Variants in MEIS2 observed in about 807,000 individuals in gnomAD.
MEIS2 encodes the protein Meis homeobox 2.
Under a neutral mutation model 58.6 loss-of-function variants are expected in MEIS2, and 9 were observed. The observed-to-expected ratio is 0.15, with a 90% CI of 0.09 to 0.27. The LOEUF is 0.27. Ranked by LOEUF, MEIS2 falls within the 10% of genes least tolerant of loss-of-function variation. The pLI, the probability that MEIS2 is intolerant of heterozygous loss-of-function variation, is 1.00. For missense variants in MEIS2, 427 were observed against 635.0 expected, an observed-to-expected ratio of 0.67 and a Z score of 3.52; for synonymous variants, 221 against 228.4, an observed-to-expected ratio of 0.97 and a Z score of 0.29.
chr15:36,995,883 T>C (rs926394626), intron 8 of MEIS2, among the ~76,000 whole-genome samples: 4 of 146,408 alleles, frequency 2.7e-5, no homozygotes, highest in African/African-American at 1.0e-4. Context: ...CTTTGTATTA[T>C]TATTTTTCAT....
chr15:37,045,888 CT>C (rs1167667620), intron 7 of MEIS2, among the ~76,000 whole-genome samples: 2 of 152,194 alleles, frequency 1.3e-5, no homozygotes, highest in Non-Finnish European at 2.9e-5. Context: ...CCCAGGCCAC[CT>C]TTTTCACACT....
chr15:37,029,583 G>A lies in MEIS2; in HGVS notation c.900+7231C>T, dbSNP rs144324065. ...AAATTGGGGGTGCAGGATGAAAGAG[G>A]TGGGTAGCACTACATCTCTAACCCT... On this transcript the variant is annotated intron_variant, in intron 8 of 11. Coordinates refer to ENST00000561208, the MANE Select transcript of MEIS2 (RefSeq NM_170675.5). Among the ~76,000 whole-genome samples the A allele has an allele frequency of 2.1e-3, 324 of 152,254 alleles. 1 individual carries two copies. The highest frequency in any genetic ancestry group is 7.3e-3 in the African/African-American group (305 of 41,560).
intron 9 of MEIS2, among the ~76,000 whole-genome samples, chr15:36,919,217 A>C (rs901613259): frequency 6.6e-6 from 1 of 152,174 alleles, no homozygotes; most frequent in African/African-American, 2.4e-5. Context: ...TATCCAAATA[A>C]TGGGCATATT....
chr15:36,893,755 A>AAAGGAAGG (rs1290398928), intron 11 of MEIS2, among the ~76,000 whole-genome samples: 1 of 152,160 alleles, frequency 6.6e-6, no homozygotes, highest in Non-Finnish European at 1.5e-5. Context: ...CTGCATTAGT[A>AAAGGAAGG]AAGGAAGGAA....
rs111582659 is a variant in MEIS2 at position 36,951,936 on chromosome 15, A to T, written c.901-1536T>A. On this transcript the variant is annotated intron_variant, in intron 8 of 11. Coordinates refer to ENST00000561208, the MANE Select transcript of MEIS2 (RefSeq NM_170675.5). ...ATGGTCTTCAGCACGGGCAAGAAAA[A>T]TGAACAGGATAAATTGGAATCCACA... Among the ~76,000 whole-genome samples the T allele has an allele frequency of 6.3e-3, 953 of 152,200 alleles. 14 individuals carry two copies. The highest frequency in any genetic ancestry group is 4.9e-3 in the Non-Finnish European group (333 of 68,018).
chr15:36,977,873 G>A (rs1595857491), intron 8 of MEIS2, among the ~76,000 whole-genome samples: 1 of 152,284 alleles, frequency 6.6e-6, no homozygotes, highest in African/African-American at 2.4e-5. Context: ...AACCAGAGGA[G>A]AGCCCAGGCA....
chr15:37,074,570 T>A (rs1882995157), intron 7 of MEIS2, among the ~76,000 whole-genome samples: 1 of 151,878 alleles, frequency 6.6e-6, no homozygotes, highest in Admixed American at 6.6e-5. Context: ...TCCAAAGAGA[T>A]TAAAGGACAC....
chr15:36,914,640 G>GT (rs2057189623), intron 9 of MEIS2, among the ~76,000 whole-genome samples: 1 of 152,192 alleles, frequency 6.6e-6, no homozygotes, highest in Non-Finnish European at 1.5e-5. Context: ...CCGAGAGGGT[G>GT]TGGCTTTCAT....
At chr15:36,982,047 T>C (rs1279389535) in intron 8 of MEIS2, among the ~76,000 whole-genome samples, 4 of 152,130 alleles carry the variant, frequency 2.6e-5, no homozygotes, top group Non-Finnish European at 4.4e-5. Flanking sequence ...AATTATGCCA[T>C]CACTTTCCTG....
chr15:37,075,953 T>C (rs974377013), intron 7 of MEIS2, among the ~76,000 whole-genome samples: 8 of 151,994 alleles, frequency 5.3e-5, no homozygotes, highest in African/African-American at 1.9e-4. Context: ...TATTGCTGTA[T>C]AGCAGGGATA....
intron 9 of MEIS2, among the ~76,000 whole-genome samples, chr15:36,904,345 G>A (rs770589082): frequency 2.1e-5 from 3 of 143,678 alleles, no homozygotes; most frequent in Non-Finnish European, 4.5e-5. Context: ...CAATGCAGTA[G>A]TTATTGTTTA....
At chr15:36,980,391 T>C (rs1481470149) in intron 8 of MEIS2, among the ~76,000 whole-genome samples, 3 of 152,188 alleles carry the variant, frequency 2.0e-5, no homozygotes, top group Non-Finnish European at 2.9e-5. Flanking sequence ...ATTGGAATTA[T>C]AGTTCCACAT....
chr15:37,050,560 C>T (rs2141803967), intron 7 of MEIS2, among the ~76,000 whole-genome samples: 1 of 152,238 alleles, frequency 6.6e-6, no homozygotes, highest in East Asian at 1.9e-4. Flanking sequence ...AGAACAGGGG[C>T]CCTAAATTAG....
At chr15:37,075,551 G>T (rs983139214) in intron 7 of MEIS2, among the ~76,000 whole-genome samples, 9 of 151,966 alleles carry the variant, frequency 5.9e-5, no homozygotes, top group Admixed American at 2.6e-4. Flanking sequence ...ACCAAGTTTT[G>T]ATCAACTTAT....
chr15:37,070,536 A>G (rs1481648403), intron 7 of MEIS2, among the ~76,000 whole-genome samples: 1 of 152,206 alleles, frequency 6.6e-6, no homozygotes, highest in African/African-American at 2.4e-5. Context: ...GGGGATCTGA[A>G]CATTCCTGTA....
chr15:36,984,594 T>C (rs955598456), intron 8 of MEIS2, among the ~76,000 whole-genome samples: 12 of 152,154 alleles, frequency 7.9e-5, no homozygotes, highest in African/African-American at 2.9e-4. Flanking sequence ...CAGGGTAATG[T>C]TGACTTCATA....
intron 7 of MEIS2, among the ~76,000 whole-genome samples, chr15:37,062,104 A>G (rs561342455): frequency 3.7e-4 from 57 of 152,236 alleles, no homozygotes; most frequent in Non-Finnish European, 7.4e-4. Context: ...ATAATAAAAG[A>G]CTCAAGAACT....
chr15:37,024,248 C>T (rs982745755), intron 8 of MEIS2, among the ~76,000 whole-genome samples: 1 of 152,090 alleles, frequency 6.6e-6, no homozygotes, highest in Non-Finnish European at 1.5e-5. Context: ...AAACTCCTTT[C>T]CTCTTCACAT....
At position 37,071,759 on chromosome 15, in the gene MEIS2, C is replaced by T. The variant is rs567143180; in HGVS notation, c.754+12012G>A. 9.2e-5 allele frequency among the ~76,000 whole-genome samples: 14 copies of T among 152,076 alleles called. No individual in the cohort carries two copies. The East Asian group carries it at 9.7e-4, about 11-fold the overall frequency. ...TGACAGATCTGAGGATATAAAGGCACGTAGGCCAACACTAGAGGCCATACC... is the reference window on the plus strand; with the variant it reads ...TGACAGATCTGAGGATATAAAGGCATGTAGGCCAACACTAGAGGCCATACC... On this transcript the variant is annotated intron_variant, in intron 7 of 11. Transcript: ENST00000561208.
Sources: allele counts gnomAD v4.1 joint callset (sites outside exome capture counted in the v4.1 genomes callset), GRCh38; gene constraint gnomAD v4.1.1; transcripts MANE v1.5; gene names NCBI Gene and HGNC (gene_info 2026-07-23, HGNC 2026-07-21).